SLC38A4: variants seen among roughly 807,000 people sequenced by gnomAD.
SLC38A4 encodes sodium-coupled neutral amino acid transporter 4.
A neutral mutation model predicts 63.1 loss-of-function variants in SLC38A4; 20 were observed. The observed-to-expected ratio is 0.32, with a 90% confidence interval of 0.22 to 0.46. SLC38A4 has a LOEUF of 0.46. SLC38A4 is among the 20% of genes least tolerant of loss of function. SLC38A4 has a pLI of 1.00. For missense variants in SLC38A4, 526 were observed against 663.6 expected (o/e 0.79, Z 2.28); for synonymous variants, 230 against 225.5 (o/e 1.02, Z -0.18).
intron 14 of SLC38A4, among the ~76,000 whole-genome samples, chr12:46,770,861 A>C (rs1244531762): frequency 6.6e-6 from 1 of 152,122 alleles, no homozygotes; most frequent in Non-Finnish European, 1.5e-5. Flanking sequence ...AAGTCACTTA[A>C]GGTGCAGAGA....
rs1299853795 is a variant in SLC38A4, at chr12:46,771,471, A to G, written c.1300-2043T>C. On this transcript the variant is annotated intron_variant, in intron 14 of 16. Transcript: ENST00000266579. ...ATATGTCCAGGGCCTCTGAATGTGA[A>G]AGCAGTCTCCTGGCTCCCAGAAAGA... Among the ~76,000 whole-genome samples the G allele has an allele frequency of 2.6e-5, 4 of 152,132 alleles. No homozygotes were observed. In the East Asian group the frequency reaches 7.7e-4, roughly 29 times the overall value.
intron 1 of SLC38A4, among the ~76,000 whole-genome samples, chr12:46,831,692 G>A (rs1037667455): frequency 6.6e-6 from 1 of 152,330 alleles, no homozygotes; most frequent in African/African-American, 2.4e-5. Flanking sequence ...CTGGTCTCTG[G>A]GGCGACCCAG....
intron 1 of SLC38A4, among the ~76,000 whole-genome samples, chr12:46,815,308 C>CACACACACAG (rs1219643823): frequency 7.0e-6 from 1 of 143,036 alleles, no homozygotes; most frequent in African/African-American, 2.6e-5. Context: ...CACACACACA[C>CACACACACAG]AGAGATTGAG....
At chr12:46,784,490 T>C (rs967040523) in intron 7 of SLC38A4, 52 bp downstream of exon 7, 2 of 1,397,834 alleles carry the variant, frequency 1.4e-6, no homozygotes, top group East Asian at 2.4e-5. Context: ...TCTTATTTAT[T>C]GAACACGCTA....
chr12:46,815,672 T>C (rs1218932516), intron 1 of SLC38A4, among the ~76,000 whole-genome samples: 1 of 151,840 alleles, frequency 6.6e-6, no homozygotes, highest in Non-Finnish European at 1.5e-5. Context: ...TAGATTATTT[T>C]GAATTCAGAA....
At chr12:46,773,270 G>A (rs2120751066) in intron 14 of SLC38A4, among the ~76,000 whole-genome samples, 1 of 152,144 alleles carries the variant, frequency 6.6e-6, no homozygotes, top group East Asian at 1.9e-4. Flanking sequence ...TTCATTTGAA[G>A]ACCATTTTTC....
chr12:46,823,257 T>C (rs549593632), intron 1 of SLC38A4, among the ~76,000 whole-genome samples: 216 of 152,248 alleles, frequency 1.4e-3, no homozygotes, highest in Middle Eastern at 3.4e-3. Flanking sequence ...AAGTGTTCAT[T>C]CCCTCAAGTT....
chr12:46,816,015 AC>A (rs1189204414), intron 1 of SLC38A4, among the ~76,000 whole-genome samples: 1 of 151,952 alleles, frequency 6.6e-6, no homozygotes, highest in Non-Finnish European at 1.5e-5. Flanking sequence ...CACTGCTGCA[AC>A]ATCTGTTAAC....
intron 4 of SLC38A4, among the ~76,000 whole-genome samples, 181 bp from the exon 5 acceptor site, chr12:46,788,212 G>C (rs1445818222): frequency 6.6e-6 from 1 of 152,168 alleles, no homozygotes; most frequent in Admixed American, 6.5e-5. Context: ...GGAATGCAGT[G>C]CTTGGTTTCA....
At chr12:46,771,308 TCA>T (rs1483122817) in intron 14 of SLC38A4, among the ~76,000 whole-genome samples, 1 of 152,132 alleles carries the variant, frequency 6.6e-6, no homozygotes, top group African/African-American at 2.4e-5. Context: ...TTAATTTGTT[TCA>T]CAGTGTTAAA....
intron 1 of SLC38A4, among the ~76,000 whole-genome samples, chr12:46,809,017 C>T (rs73283960): frequency 0.18 from 26,887 of 151,890 alleles, 4,504 homozygotes; most frequent in African/African-American, 0.45. Context: ...TATTAATTTC[C>T]ATGACTCTCT....
At chr12:46,785,047 G>A in intron 6 of SLC38A4, 57 bp downstream of exon 6, 1 of 1,348,110 alleles carries the variant, frequency 7.4e-7, no homozygotes, top group South Asian at 1.2e-5. Context: ...GCAACAGACT[G>A]AAATACTCTT....
chr12:46,826,429 T>C (rs933642903), upstream of SLC38A4, among the ~76,000 whole-genome samples: 1 of 152,242 alleles, frequency 6.6e-6, no homozygotes, highest in African/African-American at 2.4e-5. Context: ...ATATCTATAG[T>C]AGCAATCCTA....
intron 15 of SLC38A4, 128 bp from the exon 16 acceptor site, chr12:46,768,535 T>C (rs1312194288): frequency 3.9e-6 from 2 of 513,332 alleles, no homozygotes; most frequent in Admixed American, 7.0e-5. Context: ...AACACACACT[T>C]AAGTCACATA....
chr12:46,824,002 G>T (rs1174846411), intron 1 of SLC38A4, among the ~76,000 whole-genome samples: 1 of 152,214 alleles, frequency 6.6e-6, no homozygotes, highest in East Asian at 1.9e-4. Flanking sequence ...AACACTGACA[G>T]TCTCTGAACC....
intron 13 of SLC38A4, among the ~76,000 whole-genome samples, chr12:46,775,938 C>T (rs1243399805): frequency 1.3e-5 from 2 of 151,814 alleles, no homozygotes; most frequent in East Asian, 1.9e-4. Context: ...GTATTGACCT[C>T]GTCATTCATT....
intron 1 of SLC38A4, among the ~76,000 whole-genome samples, chr12:46,831,819 G>T (rs1046095812): frequency 2.7e-5 from 4 of 149,058 alleles, no homozygotes; most frequent in Non-Finnish European, 5.9e-5. Flanking sequence ...GGGCGGTCGC[G>T]GAGCCAGCTC....
In SLC38A4 at chr12:46,788,028, G is replaced by A; in HGVS notation, c.214C>T (p.Pro72Ser). The change falls in exon 5 of 17, where the codon CCC becomes TCC. Residue 72 changes from proline (P) to serine (S), a missense_variant. Transcript: ENST00000266579. ...KLADYADEHH[P>S]GTTSFGMSSF... ...GACATTCCAAAGGAAGTGGTTCCGG[G>A]ATGCTTGAAAAAGAAGGGATGTATT... 6.2e-7 allele frequency: 1 copy of A among 1,612,338 alleles called. No homozygotes were observed. The highest frequency in any genetic ancestry group is 8.5e-7 in the Non-Finnish European group (1 of 1,178,562).
chr12:46,777,315 TAACATAG>T (rs928905982), intron 12 of SLC38A4, among the ~76,000 whole-genome samples: 1 of 151,904 alleles, frequency 6.6e-6, no homozygotes, highest in African/African-American at 2.4e-5. Context: ...AACAGGCTCC[TAACATAG>T]AAAGCTTTTG....
Sources: allele counts gnomAD v4.1 joint callset (sites outside exome capture counted in the v4.1 genomes callset), GRCh38; gene constraint gnomAD v4.1.1; transcripts MANE v1.5; gene names NCBI Gene and HGNC (gene_info 2026-07-23, HGNC 2026-07-21).